PLAC9: variants seen among roughly 807,000 people sequenced by gnomAD.
PLAC9 encodes the protein placenta associated 9, also known as placenta-specific protein 9.
A neutral mutation model predicts 11.5 loss-of-function variants in PLAC9; 12 were observed. The ratio of observed to expected loss-of-function variants is 1.05; its 90% CI spans 0.67 to 1.69. The LOEUF is 1.69. Among genes scored for constraint, PLAC9 ranks in the 40% most tolerant of loss-of-function variants. The pLI is 0.00. For missense variants in PLAC9, 132 were observed against 130.5 expected (o/e 1.01, Z -0.06); for synonymous variants, 62 against 58.1 (o/e 1.07, Z -0.31).
upstream of PLAC9, chr10:80,131,763 G>A (rs1844916343): frequency 6.6e-6 from 1 of 152,206 alleles, no homozygotes; most frequent in East Asian, 1.9e-4. Context: ...TAACTGTTTT[G>A]GACAATTGCA....
chr10:80,131,852 T>G (rs1488116598), upstream of PLAC9: 1 of 152,268 alleles, frequency 6.6e-6, no homozygotes, highest in Admixed American at 6.5e-5. Flanking sequence ...CGGGGACCCT[T>G]GATGGACAAA....
intron 2 of PLAC9, 142 bp from the exon 3 acceptor site, chr10:80,144,077 CTGAG>C (rs1845071612): frequency 3.7e-6 from 4 of 1,092,620 alleles, no homozygotes; most frequent in East Asian, 2.4e-5. Flanking sequence ...GGGGCAGAGC[CTGAG>C]TGAGGAAAAC....
intron 1 of PLAC9, among the ~76,000 whole-genome samples, chr10:80,141,336 C>T (rs1282704774): frequency 2.0e-5 from 3 of 152,160 alleles, no homozygotes; most frequent in South Asian, 4.1e-4. Context: ...TGGTGGCTTA[C>T]ACCTGTAATC....
intron 1 of PLAC9, among the ~76,000 whole-genome samples, chr10:80,135,165 G>A (rs1246567446): frequency 4.0e-5 from 6 of 151,720 alleles, no homozygotes; most frequent in Admixed American, 3.9e-4. Flanking sequence ...GACTACGGAC[G>A]GCTGCAACCA....
chr10:80,143,344 G>A (rs1350087103), intron 2 of PLAC9, among the ~76,000 whole-genome samples: 14 of 150,582 alleles, frequency 9.3e-5, no homozygotes, highest in Admixed American at 5.3e-4. Flanking sequence ...GATTACAGGC[G>A]TGAGCCACCA....
At position 80,145,001 on chromosome 10, in the gene PLAC9, G is replaced by A; in HGVS notation, c.*91G>A. On this transcript the variant is annotated 3_prime_UTR_variant, in exon 4 of 4. Coordinates refer to ENST00000372263, the MANE Select transcript of PLAC9 (RefSeq NM_001012973.3). ...CCTGTCCTCTCGACTTCCTTCCTTA[G>A]CTTCATGTGAAATAAAAGCTATTCT... The A allele has an allele frequency of 1.4e-6, 2 of 1,472,050 alleles. No homozygotes were observed. Among genetic ancestry groups the A allele is most frequent in the Non-Finnish European group, 1.9e-6 (2 of 1,074,502 alleles). The allele number at this position is 1,472,050 out of a possible 1,614,324, so 91.2% of individuals were successfully genotyped here. A position where few individuals can be genotyped will look rare whatever the true frequency, so the allele number is the denominator to read the frequency against.
At chr10:80,137,415 T>A (rs1200451903) in intron 1 of PLAC9, among the ~76,000 whole-genome samples, 1 of 151,936 alleles carries the variant, frequency 6.6e-6, no homozygotes, top group East Asian at 1.9e-4. Flanking sequence ...GTGGCTAGGG[T>A]CTGGGAGAGG....
intron 1 of PLAC9, among the ~76,000 whole-genome samples, chr10:80,141,784 T>C (rs902964817): frequency 2.6e-5 from 4 of 152,136 alleles, no homozygotes; most frequent in South Asian, 2.1e-4. Context: ...TGAGCCCTGC[T>C]CTTTCAGACC....
intron 2 of PLAC9, 110 bp from the exon 3 acceptor site, chr10:80,144,113 C>T: frequency 6.7e-7 from 1 of 1,493,938 alleles, no homozygotes; most frequent in Non-Finnish European, 9.3e-7. Context: ...AGCGCCCAGT[C>T]CTTTCCCACT....
At chr10:80,134,914 C>T (rs534819765) in intron 1 of PLAC9, among the ~76,000 whole-genome samples, 42 of 152,214 alleles carry the variant, frequency 2.8e-4, no homozygotes, top group African/African-American at 9.6e-4. Context: ...TTGCTAATTG[C>T]ATCCCTTTTA....
At chr10:80,136,638 AT>A (rs879590973) in intron 1 of PLAC9, among the ~76,000 whole-genome samples, 26 of 148,148 alleles carry the variant, frequency 1.8e-4, no homozygotes, top group African/African-American at 4.0e-4. Context: ...ATCCTGGCTA[AT>A]TTTTTTTTAA....
chr10:80,136,083 C>G (rs2789697), intron 1 of PLAC9, among the ~76,000 whole-genome samples: 56,800 of 152,086 alleles, frequency 0.37, 11,567 homozygotes, highest in East Asian at 0.53. Context: ...AGTAGAAGCA[C>G]CCGTACTTCC....
At chr10:80,132,923 C>A in intron 1 of PLAC9, 97 bp downstream of exon 1, 1 of 1,081,376 alleles carries the variant, frequency 9.2e-7, no homozygotes, top group Non-Finnish European at 1.3e-6. Context: ...GAGAGCTGGA[C>A]ACAGCAGCGA....
intron 1 of PLAC9, among the ~76,000 whole-genome samples, chr10:80,136,173 G>A (rs556787522): frequency 8.5e-5 from 13 of 152,142 alleles, no homozygotes; most frequent in Non-Finnish European, 1.6e-4. Context: ...TGGGGCCTCC[G>A]GGCTCCACAG....
chr10:80,144,139 G>A lies in PLAC9; in HGVS notation c.163-84G>A, dbSNP rs937467178. The A allele has an allele frequency of 7.5e-6, 12 of 1,592,144 alleles. No homozygotes were observed. In the African/African-American group the frequency reaches 1.5e-4, roughly 20 times the overall value. Reference sequence around the variant, plus strand: ...CTTTCCCACTGCACCGCACTGGACCGCCAGCTGCTCTCTTAGGACCTAGCT... The same window carrying A: ...CTTTCCCACTGCACCGCACTGGACCACCAGCTGCTCTCTTAGGACCTAGCT... On this transcript the variant is annotated intron_variant, in intron 2 of 3. Transcript: ENST00000372263.
chr10:80,144,986 C>G lies in PLAC9; in HGVS notation c.*76C>G, dbSNP rs1394175201. On this transcript the variant is annotated 3_prime_UTR_variant, in exon 4 of 4. Coordinates refer to ENST00000372263, the MANE Select transcript of PLAC9 (RefSeq NM_001012973.3). ...GCCCACAGAACCAGCCCTGTCCTCT[C>G]GACTTCCTTCCTTAGCTTCATGTGA... The G allele has an allele frequency of 6.6e-6, 10 of 1,510,714 alleles. No homozygotes were observed. The Admixed American group carries it at 2.0e-4, about 30-fold the overall frequency. 93.6% of individuals were successfully genotyped at this position (1,510,714 alleles called of 1,614,324 possible). A position where few individuals can be genotyped will look rare whatever the true frequency, so the allele number is the denominator to read the frequency against.
chr10:80,143,551 C>T (rs1845066081), intron 2 of PLAC9, among the ~76,000 whole-genome samples: 1 of 151,766 alleles, frequency 6.6e-6, no homozygotes, highest in South Asian at 2.1e-4. Context: ...CGCGCACCAC[C>T]ATGCCCGGCT....
chr10:80,132,713 GA>G, upstream of PLAC9: 1 of 1,415,796 alleles, frequency 7.1e-7, no homozygotes, highest in Non-Finnish European at 9.2e-7. Flanking sequence ...TGCGATCCGG[GA>G]AGGGCGGCTG....
intron 1 of PLAC9, among the ~76,000 whole-genome samples, chr10:80,136,903 A>C (rs1181252443): frequency 6.6e-6 from 1 of 152,138 alleles, no homozygotes; most frequent in Admixed American, 6.6e-5. Flanking sequence ...CCTCAGGCCT[A>C]CCCTACCCCA....
Sources: gnomAD v4.1 joint callset for allele counts (sites outside exome capture counted in the v4.1 genomes callset) on GRCh38, gnomAD v4.1.1 for gene constraint, MANE v1.5 for transcripts, NCBI Gene and HGNC (gene_info 2026-07-23, HGNC 2026-07-21) for gene names.